Variants in SPIDR observed in about 807,000 individuals in gnomAD.
The protein encoded by SPIDR is scaffold protein involved in DNA repair.
In SPIDR, 93 loss-of-function variants were observed where a neutral mutation model predicts 104.6. The ratio of observed to expected loss-of-function variants is 0.89; its 90% confidence interval spans 0.75 to 1.06. SPIDR has a LOEUF of 1.06. Among genes scored for constraint, SPIDR ranks in the 50% least tolerant of loss-of-function variants. The pLI, the probability that SPIDR is intolerant of heterozygous loss-of-function variation, is 0.00. For synonymous variants in SPIDR, 431 were observed against 416.9 expected (o/e 1.03, Z -0.41); for missense variants, 1,154 against 1,111.2 (o/e 1.04, Z -0.55).
intron 7 of SPIDR, among the ~76,000 whole-genome samples, 199 bp from the exon 8 acceptor site, chr8:47,440,124 G>A (rs974012333): frequency 6.6e-6 from 1 of 152,198 alleles, no homozygotes; most frequent in Non-Finnish European, 1.5e-5. Context: ...AATGCAACAT[G>A]CAGGCCTATT....
intron 8 of SPIDR, among the ~76,000 whole-genome samples, chr8:47,575,243 G>A (rs1436696464): frequency 2.6e-5 from 4 of 152,056 alleles, no homozygotes; most frequent in Non-Finnish European, 5.9e-5. Flanking sequence ...CAGGTTTGTG[G>A]TTATTGACAT....
intron 11 of SPIDR, among the ~76,000 whole-genome samples, chr8:47,674,688 C>A (rs1201751858): frequency 6.6e-6 from 1 of 152,224 alleles, no homozygotes; most frequent in Non-Finnish European, 1.5e-5. Flanking sequence ...AAGTCCAGTT[C>A]TGAGTGTATG....
At chr8:47,554,650 C>T (rs907490349) in intron 8 of SPIDR, among the ~76,000 whole-genome samples, 5 of 152,180 alleles carry the variant, frequency 3.3e-5, no homozygotes, top group African/African-American at 1.2e-4. Context: ...TACTGTCTGT[C>T]ACGGCTTCCC....
chr8:47,311,953 A>G (rs1436574854), intron 5 of SPIDR, among the ~76,000 whole-genome samples: 12 of 151,976 alleles, frequency 7.9e-5, no homozygotes, highest in African/African-American at 2.9e-4. Context: ...CCCACCTATG[A>G]GTGAGAACAT....
intron 7 of SPIDR, among the ~76,000 whole-genome samples, chr8:47,412,124 A>T (rs1295166751): frequency 6.6e-6 from 1 of 152,086 alleles, no homozygotes; most frequent in Non-Finnish European, 1.5e-5. Flanking sequence ...CTTAGGATTG[A>T]CTTGGCAATG....
At chr8:47,728,322 C>A (rs1447759678) in intron 17 of SPIDR, among the ~76,000 whole-genome samples, 2 of 151,298 alleles carry the variant, frequency 1.3e-5, no homozygotes, top group Non-Finnish European at 2.9e-5. Context: ...GTAGTCCCAG[C>A]TACTCCAGAG....
chr8:47,269,530 A>G (rs2034833004), intron 1 of SPIDR, among the ~76,000 whole-genome samples: 1 of 151,354 alleles, frequency 6.6e-6, no homozygotes, highest in Non-Finnish European at 1.5e-5. Flanking sequence ...TTCTGGGATT[A>G]CAGGCGTGAG....
chr8:47,624,792 G>A (rs140445582), intron 10 of SPIDR, among the ~76,000 whole-genome samples: 4,372 of 152,182 alleles, frequency 0.029, 88 homozygotes, highest in South Asian at 0.046. Flanking sequence ...ATTCAAAGCC[G>A]AATTCTACCA....
chr8:47,424,598 G>A (rs897454360), intron 7 of SPIDR, among the ~76,000 whole-genome samples: 10 of 152,156 alleles, frequency 6.6e-5, no homozygotes, highest in African/African-American at 2.2e-4. Context: ...AATTACAGGC[G>A]TTAGCCACCA....
chr8:47,695,324 T>C (rs938054179), intron 11 of SPIDR, among the ~76,000 whole-genome samples: 4 of 151,988 alleles, frequency 2.6e-5, no homozygotes, highest in Non-Finnish European at 1.5e-5. Context: ...ACAGAGAAAT[T>C]AGCAGCAACA....
At chr8:47,281,806 C>T (rs892218611) in intron 2 of SPIDR, among the ~76,000 whole-genome samples, 2 of 152,330 alleles carry the variant, frequency 1.3e-5, no homozygotes, top group South Asian at 2.1e-4. Flanking sequence ...CCTAATGGCA[C>T]ATAGAATGGT....
At chr8:47,476,527 C>T (rs1345645932) in intron 8 of SPIDR, among the ~76,000 whole-genome samples, 2 of 152,156 alleles carry the variant, frequency 1.3e-5, no homozygotes, top group African/African-American at 2.4e-5. Context: ...TCACACAGTT[C>T]CCCGCAGGTG....
chr8:47,363,548 C>T (rs905430906), intron 5 of SPIDR, among the ~76,000 whole-genome samples: 4 of 151,606 alleles, frequency 2.6e-5, no homozygotes, highest in Non-Finnish European at 5.9e-5. Context: ...AGACTCTTCA[C>T]TCTCCTAGTT....
At chr8:47,455,198 A>G (rs1554709081) in intron 8 of SPIDR, among the ~76,000 whole-genome samples, 1 of 152,176 alleles carries the variant, frequency 6.6e-6, no homozygotes, top group Non-Finnish European at 1.5e-5. Context: ...GATGCATATA[A>G]CGTATAAAGA....
intron 11 of SPIDR, among the ~76,000 whole-genome samples, chr8:47,689,207 T>C (rs890374919): frequency 6.6e-6 from 1 of 152,202 alleles, no homozygotes; most frequent in Non-Finnish European, 1.5e-5. Flanking sequence ...CTTGTTTTCA[T>C]GACCCCCAGG....
chr8:47,488,179 G>A (rs782038745), intron 8 of SPIDR, among the ~76,000 whole-genome samples: 14 of 152,100 alleles, frequency 9.2e-5, no homozygotes, highest in South Asian at 4.2e-4. Context: ...TATCACCACC[G>A]GTCCCACAGA....
intron 8 of SPIDR, among the ~76,000 whole-genome samples, chr8:47,530,066 C>T (rs2085695900): frequency 2.0e-5 from 3 of 152,192 alleles, no homozygotes; most frequent in Non-Finnish European, 4.4e-5. Flanking sequence ...TAGCCTACTA[C>T]ACATCTAGGC....
intron 10 of SPIDR, among the ~76,000 whole-genome samples, chr8:47,605,822 A>T (rs1416634010): frequency 3.3e-5 from 5 of 152,066 alleles, no homozygotes; most frequent in African/African-American, 7.2e-5. Context: ...ATAGATGCTT[A>T]AAAAAAATAG....
rs548687813 is a variant in SPIDR, at chr8:47,353,285, C to T, written c.526-43091C>T. Among the ~76,000 whole-genome samples, 4 of 152,234 alleles carry T rather than the reference C, an allele frequency of 2.6e-5. No homozygotes were observed. The East Asian group carries it at 5.8e-4, about 22-fold the overall frequency. On this transcript the variant is annotated intron_variant, in intron 5 of 19. Transcript: ENST00000297423. ...TCTCATTTGCATCTTACCCTTGTGG[C>T]CGAATTAGCAGGACCTGTGTGAGAA...
Sources: allele counts gnomAD v4.1 joint callset (sites outside exome capture counted in the v4.1 genomes callset), GRCh38; gene constraint gnomAD v4.1.1; transcripts MANE v1.5; gene names NCBI Gene and HGNC (gene_info 2026-07-23, HGNC 2026-07-21).